Variants in WNK2 observed in about 807,000 individuals in gnomAD.
WNK2 encodes WNK lysine deficient protein kinase 2.
WNK2 carries 67 observed loss-of-function variants against 192.1 expected under a neutral mutation model. The observed-to-expected ratio is 0.35, with a 90% CI of 0.29 to 0.43. The LOEUF (loss-of-function observed/expected upper bound fraction) is 0.43, where lower values mean the gene tolerates loss of function less well. WNK2 is among the 20% of genes least tolerant of loss of function. WNK2 has a pLI of 1.00. For missense variants in WNK2, 2,698 were observed against 3,089.7 expected (o/e 0.87, Z 3.01); for synonymous variants, 1,439 against 1,393.9 (o/e 1.03, Z -0.72).
At chr9:93,310,488 C>T (rs1326393771) in intron 28 of WNK2, among the ~76,000 whole-genome samples, 1 of 152,036 alleles carries the variant, frequency 6.6e-6, no homozygotes, top group East Asian at 1.9e-4. Flanking sequence ...TACAATTTTA[C>T]ACATTTTCAA....
intron 2 of WNK2, among the ~76,000 whole-genome samples, chr9:93,228,966 G>A (rs1838274721): frequency 6.6e-6 from 1 of 152,158 alleles, no homozygotes; most frequent in Admixed American, 6.5e-5. Flanking sequence ...TGTGGTGCCT[G>A]GGGTTGGTGG....
At chr9:93,217,717 T>C (rs1343347342) in intron 2 of WNK2, among the ~76,000 whole-genome samples, 10 of 152,208 alleles carry the variant, frequency 6.6e-5, no homozygotes, top group Non-Finnish European at 1.3e-4. Flanking sequence ...CTGGTGCCAT[T>C]CCTGGCTTAG....
rs961431012 is a variant in WNK2 at position 93,283,878 on chromosome 9, C to T, written c.4034-4910C>T. ...TGTTCCCAAGAGGAAATTTGGAGTG[C>T]CACTACCCAACAAGGAAGCAAATGG... On this transcript the variant is annotated intron_variant, in intron 19 of 29. Transcript: ENST00000427277. Among the ~76,000 whole-genome samples, 18 of 152,094 alleles carry T rather than the reference C, an allele frequency of 1.2e-4. 1 individual carries two copies. The highest frequency in any genetic ancestry group is 1.1e-3 in the Admixed American group (17 of 15,270).
At position 93,259,043 on chromosome 9, in the gene WNK2, A is replaced by C; in HGVS notation, c.2495A>C (p.Gln832Pro). 1.2e-6 allele frequency: 2 copies of C among 1,612,362 alleles called. No individual in the cohort carries two copies. Among genetic ancestry groups the C allele is most frequent in the East Asian group, 4.5e-5 (2 of 44,794 alleles). Reference sequence around the variant, plus strand: ...ACTGTGCCTCCCGTGCCACCACCTCAGTATTTCTCTCCAGCCGTGATCTTG... The same window carrying C: ...ACTGTGCCTCCCGTGCCACCACCTCCGTATTTCTCTCCAGCCGTGATCTTG... ...TATVPPVPPPQYFSPAVILPS... is the reference protein window; with the variant it reads ...TATVPPVPPPPYFSPAVILPS... The change falls in exon 12 of 30, where the codon CAG (glutamine) becomes CCG (proline). Residue 832 changes from glutamine (Q) to proline (P), a missense_variant. By Grantham distance (76) the Gln-to-Pro change is moderately conservative. Coordinates refer to ENST00000427277, the MANE Select transcript of WNK2 (RefSeq NM_006648.4). The surrounding 1 kb of genome is among the most constrained non-coding windows in gnomAD (Gnocchi z 4.8).
chr9:93,288,665 A>G (rs1340941932), intron 19 of WNK2, 123 bp from the exon 20 acceptor site: 3 of 1,031,958 alleles, frequency 2.9e-6, no homozygotes, highest in African/African-American at 3.3e-5. Context: ...GTGTCGGGAA[A>G]CAGAGAAGAC....
At chr9:93,305,674 T>C (rs555915342) in intron 26 of WNK2, among the ~76,000 whole-genome samples, 2 of 152,310 alleles carry the variant, frequency 1.3e-5, no homozygotes, top group East Asian at 3.9e-4. Context: ...AGTTGCCCGC[T>C]GTCCCCCGAG....
intron 19 of WNK2, among the ~76,000 whole-genome samples, chr9:93,271,136 G>A (rs891773733): frequency 3.9e-5 from 6 of 152,148 alleles, no homozygotes; most frequent in African/African-American, 1.2e-4. Flanking sequence ...AGTAGACCTC[G>A]CCCAGGTTCC....
Position 93,238,256 on chromosome 9 carries a change from G to A in WNK2, c.1257G>A (p.Glu419=), listed in dbSNP as rs774388680. Residue 419 remains glutamate, a synonymous_variant, in exon 6 of 30, where the codon GAG becomes GAA. Transcript: ENST00000427277. ...VTCGIKPASF[E]KVHDPEIKEI... is the part of the protein sequence containing the mutation. Reference sequence around the variant, plus strand: ...AGGGTATCAAGCCGGCCAGCTTTGAGAAAGTGCACGATCCTGAAATCAAGG... The same window carrying A: ...AGGGTATCAAGCCGGCCAGCTTTGAAAAAGTGCACGATCCTGAAATCAAGG... The A allele has an allele frequency of 1.9e-6, 3 of 1,613,912 alleles. No homozygotes were observed. The highest frequency in any genetic ancestry group is 2.7e-5 in the African/African-American group (2 of 74,934).
At chr9:93,196,092 G>A (rs974751079) in intron 2 of WNK2, among the ~76,000 whole-genome samples, 3 of 152,202 alleles carry the variant, frequency 2.0e-5, no homozygotes, top group African/African-American at 7.2e-5. Context: ...CTTGAAGGGT[G>A]CGAGGGGGAA....
intron 26 of WNK2, 98 bp downstream of exon 26, chr9:93,300,247 A>G: frequency 1.1e-6 from 1 of 934,708 alleles, no homozygotes; most frequent in Non-Finnish European, 1.6e-6. Flanking sequence ...ATTTCATAGG[A>G]TGCCTCCCCC....
chr9:93,232,990 G>A (rs1356971421), intron 4 of WNK2, among the ~76,000 whole-genome samples: 4 of 148,652 alleles, frequency 2.7e-5, no homozygotes, highest in African/African-American at 9.9e-5. Flanking sequence ...AAAAAAGGCG[G>A]GGGAAGGAAG....
At chr9:93,271,733 AT>A (rs1846031981) in intron 19 of WNK2, among the ~76,000 whole-genome samples, 1 of 152,236 alleles carries the variant, frequency 6.6e-6, no homozygotes, top group South Asian at 2.1e-4. Flanking sequence ...AAGAGAAAGA[AT>A]GCAGTGCTGA....
At chr9:93,233,197 CAAAAAAAA>C (rs11298656) in intron 4 of WNK2, among the ~76,000 whole-genome samples, 1 of 99,042 alleles carries the variant, frequency 1.0e-5, no homozygotes, top group Non-Finnish European at 2.1e-5. Context: ...GATCCAGTCT[CAAAAAAAA>C]AAAAAAAAAA....
intron 2 of WNK2, among the ~76,000 whole-genome samples, chr9:93,198,442 G>T (rs1012793184): frequency 1.3e-5 from 2 of 152,210 alleles, no homozygotes; most frequent in Non-Finnish European, 2.9e-5. Context: ...CTCACAGGGA[G>T]CCCTGCTTAC....
At chr9:93,267,028 C>G (rs1424451332) in intron 16 of WNK2, 1 of 152,234 alleles carries the variant, frequency 6.6e-6, no homozygotes, top group East Asian at 1.9e-4. Flanking sequence ...CGGTGTGAGC[C>G]CAGGGCCACA....
At chr9:93,268,497 T>G in intron 18 of WNK2, 130 bp from the exon 19 acceptor site, 4 of 1,406,354 alleles carry the variant, frequency 2.8e-6, no homozygotes, top group Non-Finnish European at 3.9e-6. Context: ...ACACCCTTCC[T>G]GGAGAAAATC....
chr9:93,184,422 C>T (rs1299180243), intron 1 of WNK2, among the ~76,000 whole-genome samples, 37 bp downstream of exon 1: 1 of 151,586 alleles, frequency 6.6e-6, no homozygotes, highest in Non-Finnish European at 1.5e-5. Flanking sequence ...CGCTCGCCGC[C>T]TTTGTGTGCG....
intron 2 of WNK2, among the ~76,000 whole-genome samples, chr9:93,225,419 A>G (rs766791515): frequency 2.0e-5 from 3 of 152,160 alleles, no homozygotes; most frequent in Non-Finnish European, 4.4e-5. Flanking sequence ...ATTACCAAGC[A>G]ATGTGTTACA....
chr9:93,198,489 C>T (rs1831697444), intron 2 of WNK2, among the ~76,000 whole-genome samples: 1 of 152,178 alleles, frequency 6.6e-6, no homozygotes, highest in Non-Finnish European at 1.5e-5. Context: ...TGTTGTTCCT[C>T]CTACCTGCCA....
Sources: allele counts gnomAD v4.1 joint callset (sites outside exome capture counted in the v4.1 genomes callset), GRCh38; gene constraint gnomAD v4.1.1; non-coding constraint Gnocchi (gnomAD v3.1); transcripts MANE v1.5; gene names NCBI Gene and HGNC (gene_info 2026-07-23, HGNC 2026-07-21).